Variants in REPS2 observed in about 807,000 individuals in gnomAD.
REPS2 encodes RALBP1 associated Eps domain containing 2.
REPS2 carries 23 observed loss-of-function variants against 53.6 expected under a neutral mutation model. The observed-to-expected ratio is 0.43, with a 90% CI of 0.31 to 0.61. The LOEUF is 0.61. Among genes scored for constraint, REPS2 ranks in the 20% least tolerant of loss-of-function variants. The pLI is 0.11. For missense variants in REPS2, 446 were observed against 534.9 expected (o/e 0.83, Z 1.64); for synonymous variants, 238 against 218.6 (o/e 1.09, Z -0.78).
chrX:17,064,715 A>G (rs2062203920), intron 9 of REPS2, among the ~76,000 whole-genome samples: 1 of 112,048 alleles, frequency 8.9e-6, no homozygotes, highest in African/African-American at 3.2e-5. Context: ...CACCATCTCT[A>G]CAGTTTAATT....
the REPS2 span, among the ~76,000 whole-genome samples, chrX:17,176,398 T>C: frequency 8.9e-6 from 1 of 111,793 alleles, no homozygotes; most frequent in Non-Finnish European, 1.9e-5. Flanking sequence ...TCTGGAGTGT[T>C]ACACAGAGAT....
intron 14 of REPS2, among the ~76,000 whole-genome samples, chrX:17,114,187 G>A (rs1016216318): frequency 6.3e-5 from 7 of 111,643 alleles, no homozygotes; most frequent in African/African-American, 2.3e-4. Context: ...GTCGGATTTC[G>A]AATTACTTTT....
chrX:17,168,540 C>G, the REPS2 span, among the ~76,000 whole-genome samples: 1 of 111,206 alleles, frequency 9.0e-6, no homozygotes, highest in Non-Finnish European at 1.9e-5. Flanking sequence ...TCTCAGGGAT[C>G]TCTGTGGAAT....
intron 1 of REPS2, among the ~76,000 whole-genome samples, chrX:16,971,701 G>A (rs1043581783): frequency 8.9e-6 from 1 of 112,038 alleles, no homozygotes; most frequent in African/African-American, 3.2e-5. Flanking sequence ...TTTGTACGTG[G>A]TGTGAAGTAG....
At position 16,956,284 on chromosome X, in the gene REPS2, G is replaced by GTTTTTT. The variant is rs869259012; in HGVS notation, c.273+9180_273+9185dup. Among the ~76,000 whole-genome samples the GTTTTTT allele has an allele frequency of 3.6e-4, 9 of 24,757 alleles. 1 individual carries two copies. Among genetic ancestry groups the GTTTTTT allele is most frequent in the Admixed American group, 8.4e-4 (1 of 1,188 alleles). The allele number at this position is 24,757 out of a possible 115,157, so 21.5% of individuals were successfully genotyped here. On this transcript the variant is annotated intron_variant, in intron 1 of 17. Coordinates refer to ENST00000357277, the MANE Select transcript of REPS2 (RefSeq NM_004726.3). ...TGCATGTAAGCAAAAAACCACAGCA[G>GTTTTTT]TTTTTTTTTTTTTTTTTTTTTTTTT...
chrX:17,186,561 G>A, the REPS2 span, among the ~76,000 whole-genome samples: 1 of 112,101 alleles, frequency 8.9e-6, no homozygotes. Context: ...TAGCCTTCCA[G>A]TATAAGATTA....
chrX:17,034,817 A>G (rs1391576435), intron 5 of REPS2, among the ~76,000 whole-genome samples: 1 of 111,712 alleles, frequency 9.0e-6, no homozygotes, highest in Admixed American at 9.5e-5. Context: ...AGATACCTCT[A>G]TTACTCTACC....
chrX:17,018,327 C>T (rs774325218), intron 2 of REPS2, among the ~76,000 whole-genome samples: 22 of 108,816 alleles, frequency 2.0e-4, no homozygotes, highest in Non-Finnish European at 4.0e-4. Flanking sequence ...GCTGGGATTA[C>T]AGGCGCATGC....
At chrX:17,052,592 GTGAAAATTAAATGTTATA>G (rs1264312836) in intron 7 of REPS2, 147 bp downstream of exon 7, 5 of 396,687 alleles carry the variant, frequency 1.3e-5, no homozygotes, top group Non-Finnish European at 2.1e-5. Flanking sequence ...TTTTGTTGCT[GTGAAAATTAAATGTTATA>G]TGAAAAGTAC....
chrX:17,183,553 A>G, the REPS2 span, among the ~76,000 whole-genome samples: 3 of 112,051 alleles, frequency 2.7e-5, no homozygotes, highest in Non-Finnish European at 5.6e-5. Flanking sequence ...TTCTAAAATA[A>G]TTACAGAATC....
intron 1 of REPS2, among the ~76,000 whole-genome samples, chrX:16,953,011 G>A (rs1242555700): frequency 9.1e-6 from 1 of 109,687 alleles, no homozygotes; most frequent in Non-Finnish European, 1.9e-5. Context: ...GAGAGGCGAA[G>A]GTTGCAGTGA....
At chrX:16,994,978 G>A (rs1158544919) in intron 1 of REPS2, among the ~76,000 whole-genome samples, 3 of 111,917 alleles carry the variant, frequency 2.7e-5, no homozygotes, top group East Asian at 2.8e-4. Context: ...CAAAGGGTTC[G>A]GATAACAGGC....
At chrX:17,155,195 A>G (rs2063603592), downstream of REPS2, among the ~76,000 whole-genome samples, 1 of 111,639 alleles carries the variant, frequency 9.0e-6, no homozygotes, top group Non-Finnish European at 1.9e-5. Flanking sequence ...ACATCTGGTG[A>G]GGGCATTCTT....
intron 17 of REPS2, among the ~76,000 whole-genome samples, chrX:17,146,061 A>G (rs2063509490): frequency 9.4e-6 from 1 of 106,069 alleles, no homozygotes; most frequent in Non-Finnish European, 1.9e-5. Context: ...GTGAGCCGAG[A>G]TCGCGCCATT....
chrX:16,976,714 CTGAGT>C (rs1303084568), intron 1 of REPS2, among the ~76,000 whole-genome samples: 1 of 111,653 alleles, frequency 9.0e-6, no homozygotes, highest in Non-Finnish European at 1.9e-5. Context: ...AATCATTCCT[CTGAGT>C]TAAGAATATA....
At chrX:16,953,759 AGAG>A (rs1461044086) in intron 1 of REPS2, among the ~76,000 whole-genome samples, 1 of 111,515 alleles carries the variant, frequency 9.0e-6, no homozygotes, top group African/African-American at 3.3e-5. Context: ...ACAGTGCGGT[AGAG>A]ACCCTTATGC....
chrX:17,104,128 G>A (rs2062842504), intron 14 of REPS2, among the ~76,000 whole-genome samples: 1 of 111,575 alleles, frequency 9.0e-6, no homozygotes, highest in African/African-American at 3.3e-5. Context: ...TGCAATCTGG[G>A]TGCCTATATT....
At chrX:16,956,716 G>T (rs934908961) in intron 1 of REPS2, among the ~76,000 whole-genome samples, 48 of 111,405 alleles carry the variant, frequency 4.3e-4, no homozygotes, top group African/African-American at 1.6e-3. Context: ...CTCTGCTCCT[G>T]ACCGTTTTAT....
chrX:17,119,502 A>G (rs746822583), intron 14 of REPS2, among the ~76,000 whole-genome samples: 4 of 112,145 alleles, frequency 3.6e-5, no homozygotes, highest in African/African-American at 1.3e-4. Context: ...ATCAGATGTT[A>G]ACGGAATGTG....
Sources: allele counts gnomAD v4.1 joint callset (sites outside exome capture counted in the v4.1 genomes callset), GRCh38; gene constraint gnomAD v4.1.1; transcripts MANE v1.5; gene names NCBI Gene and HGNC (gene_info 2026-07-23, HGNC 2026-07-21).